Variants in TMEM217 observed in about 807,000 individuals in gnomAD.
TMEM217 encodes transmembrane protein 217, also known as chromosome 6 open reading frame 128.
For synonymous variants in TMEM217, 76 were observed against 88.3 expected (o/e 0.86, Z 0.78); for missense variants, 204 against 248.8 (o/e 0.82, Z 1.21).
intron 1 of TMEM217, among the ~76,000 whole-genome samples, chr6:37,239,414 G>A (rs1031207866): frequency 6.6e-6 from 1 of 152,094 alleles, no homozygotes; most frequent in Non-Finnish European, 1.5e-5. Context: ...GGCCGAGGCT[G>A]CAGTGAACCA....
At chr6:37,218,036 T>C in exon 2 of TMEM217, 1 of 997,646 alleles carries the variant, frequency 1.0e-6, no homozygotes, top group Non-Finnish European at 1.2e-6. Flanking sequence ...GTAGGGTCTC[T>C]ACTTGCAGAA....
At chr6:37,253,620 T>G (rs1344450353) in intron 1 of TMEM217, among the ~76,000 whole-genome samples, 1 of 152,216 alleles carries the variant, frequency 6.6e-6, no homozygotes, top group Non-Finnish European at 1.5e-5. Context: ...CACAGTGCAT[T>G]GTGAGGGCTG....
At chr6:37,242,252 C>T (rs1764804247) in intron 1 of TMEM217, among the ~76,000 whole-genome samples, 1 of 152,200 alleles carries the variant, frequency 6.6e-6, no homozygotes. Context: ...CATTCTGCCA[C>T]TCTGGGGTCT....
intron 1 of TMEM217, among the ~76,000 whole-genome samples, chr6:37,247,789 T>C (rs1765178797): frequency 1.3e-5 from 2 of 152,156 alleles, no homozygotes; most frequent in Non-Finnish European, 2.9e-5. Flanking sequence ...TTGAAGGAGC[T>C]TGGGTGTTTA....
intron 1 of TMEM217, among the ~76,000 whole-genome samples, chr6:37,219,663 T>C (rs765295040): frequency 1.3e-5 from 2 of 151,926 alleles, no homozygotes; most frequent in Non-Finnish European, 2.9e-5. Flanking sequence ...GCCCAGGAAG[T>C]CAAGGCTGCA....
downstream of TMEM217, among the ~76,000 whole-genome samples, chr6:37,213,349 A>G (rs1026458440): frequency 1.3e-5 from 2 of 152,228 alleles, no homozygotes; most frequent in African/African-American, 4.8e-5. Flanking sequence ...GGTATGAACG[A>G]AGCTCCCATC....
chr6:37,235,460 G>A (rs1237490834), intron 1 of TMEM217, among the ~76,000 whole-genome samples: 2 of 152,076 alleles, frequency 1.3e-5, no homozygotes, highest in Non-Finnish European at 2.9e-5. Context: ...CCGCCTCCCA[G>A]GTTCACGCCA....
intron 1 of TMEM217, among the ~76,000 whole-genome samples, chr6:37,229,491 C>T (rs1253391387): frequency 6.6e-6 from 1 of 151,708 alleles, no homozygotes; most frequent in East Asian, 1.9e-4. Flanking sequence ...TACAGGCGCC[C>T]GCCACCACGC....
At chr6:37,217,460 T>C (rs1197475022), downstream of TMEM217, among the ~76,000 whole-genome samples, 1 of 152,242 alleles carries the variant, frequency 6.6e-6, no homozygotes, top group East Asian at 1.9e-4. Flanking sequence ...TAGTCATTCA[T>C]ATCTTACACA....
intron 1 of TMEM217, among the ~76,000 whole-genome samples, chr6:37,252,597 G>A (rs9296218): frequency 5.1e-5 from 1 of 19,752 alleles, no homozygotes; most frequent in East Asian, 1.3e-3. Flanking sequence ...GTATGTGTGT[G>A]TGTGTGTGTG....
intron 1 of TMEM217, among the ~76,000 whole-genome samples, chr6:37,230,735 A>T (rs1177998439): frequency 6.6e-6 from 1 of 152,214 alleles, no homozygotes; most frequent in Non-Finnish European, 1.5e-5. Context: ...ATGTAGTTAT[A>T]GAAGCCCTAG....
chr6:37,256,482 C>CT (rs1027737986), intron 1 of TMEM217, among the ~76,000 whole-genome samples: 6 of 152,068 alleles, frequency 3.9e-5, no homozygotes, highest in African/African-American at 1.2e-4. Context: ...AATAGAGGGG[C>CT]TTTTTTTCTC....
At chr6:37,247,069 C>T (rs147693534) in intron 1 of TMEM217, among the ~76,000 whole-genome samples, 5 of 152,250 alleles carry the variant, frequency 3.3e-5, no homozygotes, top group Non-Finnish European at 5.9e-5. Context: ...CTGGTCATGT[C>T]ATGTCCCAGC....
chr6:37,241,762 T>G (rs1476664167), intron 1 of TMEM217, among the ~76,000 whole-genome samples: 2 of 152,190 alleles, frequency 1.3e-5, no homozygotes, highest in African/African-American at 2.4e-5. Context: ...AAGCTTGAAT[T>G]CTTAGAGACA....
chr6:37,216,009 G>A (rs1763183703), downstream of TMEM217, among the ~76,000 whole-genome samples: 1 of 20,740 alleles, frequency 4.8e-5, no homozygotes, highest in Admixed American at 6.0e-4. Context: ...GTGTGTGTGT[G>A]TGTGTGTGTG....
At chr6:37,236,449 T>C (rs1430051154) in intron 1 of TMEM217, among the ~76,000 whole-genome samples, 1 of 152,052 alleles carries the variant, frequency 6.6e-6, no homozygotes, top group Admixed American at 6.6e-5. Flanking sequence ...AATCCTGGGG[T>C]GGGAGAGTAA....
exon 2 of TMEM217, chr6:37,218,070 A>C: frequency 2.0e-6 from 2 of 1,005,740 alleles, no homozygotes; most frequent in Non-Finnish European, 1.2e-6. Flanking sequence ...GTGGGGGGAA[A>C]AAAGGAAATA....
chr6:37,235,373 TA>T (rs1251441804), intron 1 of TMEM217, among the ~76,000 whole-genome samples: 11 of 152,008 alleles, frequency 7.2e-5, no homozygotes, highest in East Asian at 1.9e-4. Context: ...CTTTTATTAT[TA>T]TTTTTTTTTG....
Position 37,246,053 on chromosome 6 carries a change from C to T in TMEM217, c.-12+11515G>A, listed in dbSNP as rs187904105. ...TTGACCTCAAGTGATCCACCTGCCT[C>T]GGCCTCCCAAAGTGCTGGGATTACA... On this transcript the variant is annotated intron_variant, in intron 1 of 1. Coordinates refer to ENST00000357219, the Ensembl canonical transcript of TMEM217. 4.0e-3 allele frequency among the ~76,000 whole-genome samples: 603 copies of T among 152,232 alleles called. 4 individuals carry two copies. The highest frequency in any genetic ancestry group is 0.013 in the African/African-American group (545 of 41,536).
Sources: allele counts gnomAD v4.1 joint callset (sites outside exome capture counted in the v4.1 genomes callset), GRCh38; gene constraint gnomAD v4.1.1; transcripts MANE v1.5; gene names NCBI Gene and HGNC (gene_info 2026-07-23, HGNC 2026-07-21).